MDGA2: variants seen among roughly 807,000 people sequenced by gnomAD.
The protein encoded by MDGA2 is MAM domain-containing glycosylphosphatidylinositol anchor protein 2.
In MDGA2, 40 loss-of-function variants were observed where a neutral mutation model predicts 117.8. That is an observed-to-expected ratio of 0.34 (90% CI 0.26 to 0.44). The LOEUF (loss-of-function observed/expected upper bound fraction) is 0.44, where lower values mean the gene tolerates loss of function less well. MDGA2 is among the 20% of genes least tolerant of loss of function. The probability of loss-of-function intolerance (pLI) is 1.00; values close to 1 mark genes in which losing one functional copy is unlikely to be tolerated. For missense variants in MDGA2, 1,123 were observed against 1,250.6 expected, an observed-to-expected ratio of 0.90 and a Z score of 1.54; for synonymous variants, 452 against 439.0, an observed-to-expected ratio of 1.03 and a Z score of -0.37.
chr14:47,448,038 C>T (rs1893161069), intron 1 of MDGA2, among the ~76,000 whole-genome samples: 1 of 152,030 alleles, frequency 6.6e-6, no homozygotes, highest in Admixed American at 6.6e-5. Flanking sequence ...TGGGTAATAG[C>T]AATCCCTCTT....
intron 6 of MDGA2, among the ~76,000 whole-genome samples, chr14:47,072,546 T>C (rs1231339702): frequency 1.3e-5 from 2 of 152,168 alleles, no homozygotes; most frequent in Non-Finnish European, 2.9e-5. Flanking sequence ...GAAACTATGA[T>C]AGTGATAGTT....
intron 1 of MDGA2, among the ~76,000 whole-genome samples, chr14:47,395,144 G>A (rs531713337): frequency 1.3e-5 from 2 of 152,108 alleles, no homozygotes; most frequent in South Asian, 4.1e-4. Flanking sequence ...GACAAAGAGT[G>A]AAAAGCCAGC....
chr14:47,416,106 C>T (rs757242975), intron 1 of MDGA2, among the ~76,000 whole-genome samples: 9 of 152,070 alleles, frequency 5.9e-5, no homozygotes, highest in African/African-American at 2.2e-4. Flanking sequence ...TTTTATCTAG[C>T]GTCAACTCAC....
chr14:46,874,769 T>C (rs1882156030), intron 12 of MDGA2, among the ~76,000 whole-genome samples: 1 of 151,834 alleles, frequency 6.6e-6, no homozygotes, highest in Non-Finnish European at 1.5e-5. Context: ...ATACTTGAAC[T>C]TCAGTATGGA....
At chr14:47,072,479 A>G (rs1394355499) in intron 6 of MDGA2, among the ~76,000 whole-genome samples, 2 of 152,236 alleles carry the variant, frequency 1.3e-5, no homozygotes, top group African/African-American at 2.4e-5. Context: ...TTCTTAAGGA[A>G]AATGAGTTGA....
At chr14:46,879,838 T>C (rs1882374242) in intron 11 of MDGA2, among the ~76,000 whole-genome samples, 1 of 152,128 alleles carries the variant, frequency 6.6e-6, no homozygotes, top group East Asian at 1.9e-4. Flanking sequence ...TCTTATTTAT[T>C]TGGTAAAAAC....
intron 1 of MDGA2, among the ~76,000 whole-genome samples, chr14:47,349,681 G>T (rs1397181343): frequency 6.6e-6 from 1 of 152,106 alleles, no homozygotes; most frequent in Non-Finnish European, 1.5e-5. Context: ...TTTTCAAAAA[G>T]AAAAGATCTT....
At chr14:47,408,056 CTTT>C (rs56285818) in intron 1 of MDGA2, among the ~76,000 whole-genome samples, 3 of 115,156 alleles carry the variant, frequency 2.6e-5, no homozygotes, top group Non-Finnish European at 5.1e-5. Context: ...GGAGATTATT[CTTT>C]TTTTTTTTTT....
intron 10 of MDGA2, among the ~76,000 whole-genome samples, chr14:46,904,348 ACT>A (rs1372651354): frequency 6.8e-6 from 1 of 146,052 alleles, no homozygotes; most frequent in Non-Finnish European, 1.5e-5. Context: ...AGAGAGGGAG[ACT>A]CTGTCTCAAA....
chr14:46,886,600 T>C (rs937427515), intron 10 of MDGA2, among the ~76,000 whole-genome samples: 2 of 151,604 alleles, frequency 1.3e-5, no homozygotes, highest in Non-Finnish European at 2.9e-5. Context: ...GTGATTTTTG[T>C]TTTGTTTTGT....
At chr14:46,950,203 T>TCTTG (rs1250634976) in intron 9 of MDGA2, among the ~76,000 whole-genome samples, 3 of 151,926 alleles carry the variant, frequency 2.0e-5, no homozygotes, top group African/African-American at 7.3e-5. Context: ...GATACTTACA[T>TCTTG]TTTTATTCCT....
At chr14:47,626,799 C>T (rs903765213) in intron 1 of MDGA2, among the ~76,000 whole-genome samples, 3 of 152,236 alleles carry the variant, frequency 2.0e-5, no homozygotes, top group African/African-American at 4.8e-5. Flanking sequence ...CATCCCCCAC[C>T]CTCTGTGGGC....
chr14:47,133,878 T>C (rs1433054432), intron 4 of MDGA2, among the ~76,000 whole-genome samples: 4 of 152,030 alleles, frequency 2.6e-5, no homozygotes, highest in African/African-American at 9.7e-5. Context: ...ATCATAATGC[T>C]CTAAACCCTA....
chr14:47,229,921 T>G (rs1476868069), intron 2 of MDGA2, among the ~76,000 whole-genome samples: 1 of 152,054 alleles, frequency 6.6e-6, no homozygotes, highest in African/African-American at 2.4e-5. Flanking sequence ...GATGTAAATT[T>G]GGCACTTTTA....
At chr14:46,934,772 A>T (rs1164747822) in intron 9 of MDGA2, among the ~76,000 whole-genome samples, 1 of 152,164 alleles carries the variant, frequency 6.6e-6, no homozygotes, top group Non-Finnish European at 1.5e-5. Flanking sequence ...CAGAAAGAAC[A>T]CAAACCTACT....
At chr14:47,055,462 T>C (rs1224094393) in intron 7 of MDGA2, among the ~76,000 whole-genome samples, 1 of 152,082 alleles carries the variant, frequency 6.6e-6, no homozygotes, top group Non-Finnish European at 1.5e-5. Context: ...GCTGACTAGA[T>C]TCAATAACAT....
intron 1 of MDGA2, among the ~76,000 whole-genome samples, chr14:47,447,299 C>T (rs1180896959): frequency 6.6e-6 from 1 of 152,146 alleles, no homozygotes; most frequent in Non-Finnish European, 1.5e-5. Flanking sequence ...TCTTATCTCA[C>T]GCCTATCCCA....
chr14:47,162,021 C>T (rs1379389709), intron 3 of MDGA2, among the ~76,000 whole-genome samples: 3 of 145,132 alleles, frequency 2.1e-5, no homozygotes, highest in Non-Finnish European at 3.0e-5. Context: ...TCCCGGCTCA[C>T]TGCAACCTCC....
At chr14:46,949,693 AT>A (rs1253126905) in intron 9 of MDGA2, among the ~76,000 whole-genome samples, 1 of 151,914 alleles carries the variant, frequency 6.6e-6, no homozygotes, top group African/African-American at 2.4e-5. Flanking sequence ...GATTTCATTA[AT>A]TTTTATGGCT....
Sources: gnomAD v4.1 joint callset for allele counts (sites outside exome capture counted in the v4.1 genomes callset) on GRCh38, gnomAD v4.1.1 for gene constraint, MANE v1.5 for transcripts, NCBI Gene and HGNC (gene_info 2026-07-23, HGNC 2026-07-21) for gene names.